Variants in DNAAF5 observed in about 807,000 individuals in gnomAD.
DNAAF5 encodes dynein axonemal assembly factor 5.
A neutral mutation model predicts 75.8 loss-of-function variants in DNAAF5; 64 were observed. That is an observed-to-expected ratio of 0.84 (90% CI 0.69 to 1.04). The LOEUF is 1.04. DNAAF5 is among the 50% of genes least tolerant of loss of function. The probability of loss-of-function intolerance (pLI) is 0.00; values close to 1 mark genes in which losing one functional copy is unlikely to be tolerated. For missense variants in DNAAF5, 1,269 were observed against 1,178.5 expected (o/e 1.08, Z -1.12); for synonymous variants, 657 against 557.2 (o/e 1.18, Z -2.52).
intron 8 of DNAAF5, chr7:768,917 G>C (rs1778453435): frequency 3.7e-6 from 2 of 536,946 alleles, no homozygotes; most frequent in Non-Finnish European, 6.7e-6. Context: ...CGTGGTTCTC[G>C]TGGCAGGGCG....
intron 4 of DNAAF5, among the ~76,000 whole-genome samples, chr7:753,066 G>C (rs1290897835): frequency 2.2e-4 from 33 of 152,266 alleles, no homozygotes; most frequent in Admixed American, 6.5e-5. Context: ...GCGTGCCGCT[G>C]AGAGTGGGAA....
chr7:783,160 C>G (rs1364724309), intron 12 of DNAAF5, among the ~76,000 whole-genome samples: 1 of 152,246 alleles, frequency 6.6e-6, no homozygotes, highest in African/African-American at 2.4e-5. Context: ...CGTGCTCTGC[C>G]AGATCCCGCG....
rs922508498 is a variant in DNAAF5, at chr7:754,461, C to T, written c.1025-128C>T. The T allele has an allele frequency of 3.6e-5, 29 of 809,610 alleles. No individual in the cohort carries two copies. Among genetic ancestry groups the T allele is most frequent in the Non-Finnish European group, 5.7e-5 (27 of 477,014 alleles). The allele number at this position is 809,610 out of a possible 1,614,324, so 50.2% of individuals were successfully genotyped here. ...GGGGCATTTGTCAGCTTTGCGTCCA[C>T]CCCAAGACTTGTTTTGAAATGGTGA... On this transcript the variant is annotated intron_variant, in intron 4 of 12. Transcript: ENST00000297440. This position sits in a 1 kb window ranked among gnomAD's most constrained non-coding sequence, Gnocchi z 4.8.
At position 765,276 on chromosome 7, in the gene DNAAF5, CAAG is replaced by C. The variant is rs148909676; in HGVS notation, c.1783+1303_1783+1305del. On this transcript the variant is annotated intron_variant, in intron 8 of 12. Coordinates refer to ENST00000297440, the MANE Select transcript of DNAAF5 (RefSeq NM_017802.4). ...GGGAACTGTGACCCCGTTTCACAGA[CAAG>C]GAGGCAGAGCACAGAGAACTCCCGA... Among the ~76,000 whole-genome samples the C allele has an allele frequency of 2.1e-3, 325 of 152,336 alleles. 2 individuals are homozygous for C. The highest frequency in any genetic ancestry group is 7.3e-3 in the African/African-American group (304 of 41,586).
chr7:778,953 C>T (rs1352749916), intron 11 of DNAAF5, among the ~76,000 whole-genome samples: 2 of 152,280 alleles, frequency 1.3e-5, no homozygotes, highest in African/African-American at 2.4e-5. Flanking sequence ...GGATGTGCTC[C>T]GTGGCTTCCT....
At chr7:782,358 C>T (rs914340282) in intron 12 of DNAAF5, among the ~76,000 whole-genome samples, 1 of 150,954 alleles carries the variant, frequency 6.6e-6, no homozygotes, top group Non-Finnish European at 1.5e-5. Context: ...GCGGCGTGGC[C>T]GCCTCCCGTC....
chr7:778,453 A>C (rs1258690474), intron 11 of DNAAF5: 1 of 152,236 alleles, frequency 6.6e-6, no homozygotes, highest in Non-Finnish European at 1.5e-5. Context: ...ACAGACAGAC[A>C]CAAACATGAA....
intron 11 of DNAAF5, among the ~76,000 whole-genome samples, chr7:777,324 G>A (rs538810821): frequency 4.6e-5 from 7 of 152,134 alleles, no homozygotes; most frequent in South Asian, 2.1e-4. Context: ...GGGCAGCCTC[G>A]CACCCAGCCC....
At chr7:737,684 G>C (rs1781779091) in intron 2 of DNAAF5, among the ~76,000 whole-genome samples, 1 of 152,134 alleles carries the variant, frequency 6.6e-6, no homozygotes, top group Non-Finnish European at 1.5e-5. Flanking sequence ...TTTTTCACTG[G>C]ATACACTAGG....
At chr7:743,694 G>GAGTGC (rs1192490933) in intron 4 of DNAAF5, among the ~76,000 whole-genome samples, 2 of 148,776 alleles carry the variant, frequency 1.3e-5, no homozygotes, top group African/African-American at 5.0e-5. Context: ...GCCCAGGCTG[G>GAGTGC]AGTGCAATGA....
chr7:769,877 G>GT, intron 8 of DNAAF5, among the ~76,000 whole-genome samples: 1 of 152,288 alleles, frequency 6.6e-6, no homozygotes, highest in African/African-American at 2.4e-5. Context: ...CCGACCTCAG[G>GT]TGACCTCAGG....
intron 10 of DNAAF5, 56 bp downstream of exon 10, chr7:774,254 T>A: frequency 2.0e-6 from 3 of 1,511,760 alleles, no homozygotes; most frequent in Non-Finnish European, 2.6e-6. Flanking sequence ...GCAGGCTTCC[T>A]GGCGCCCGGC....
intron 4 of DNAAF5, 93 bp downstream of exon 4, chr7:741,558 A>G (rs1267777368): frequency 1.3e-6 from 1 of 798,378 alleles, no homozygotes; most frequent in Non-Finnish European, 2.0e-6. Flanking sequence ...CAGCTCTTGC[A>G]GTTCTGAGCC....
At chr7:752,015 A>T (rs2128077201) in intron 4 of DNAAF5, among the ~76,000 whole-genome samples, 1 of 152,348 alleles carries the variant, frequency 6.6e-6, no homozygotes, top group South Asian at 2.1e-4. Flanking sequence ...GCTGAATGGC[A>T]GCAGGTCCTG....
chr7:753,212 A>T (rs538495348), intron 4 of DNAAF5, among the ~76,000 whole-genome samples: 18 of 152,196 alleles, frequency 1.2e-4, no homozygotes, highest in Non-Finnish European at 1.8e-4. Flanking sequence ...GGCCACACAG[A>T]CTTGCCCTGG....
At chr7:782,136 G>A (rs200761576) in intron 12 of DNAAF5, among the ~76,000 whole-genome samples, 14 of 152,200 alleles carry the variant, frequency 9.2e-5, no homozygotes, top group Non-Finnish European at 1.3e-4. Context: ...CTCCCGTCGC[G>A]CAGCGTCAGA....
intron 5 of DNAAF5, among the ~76,000 whole-genome samples, chr7:756,355 C>G (rs1329928251): frequency 7.6e-6 from 1 of 131,598 alleles, no homozygotes; most frequent in Non-Finnish European, 1.6e-5. Context: ...TGCAGAGGGG[C>G]TGGTGTGTGG....
intron 8 of DNAAF5, among the ~76,000 whole-genome samples, chr7:770,142 G>A (rs1268839707): frequency 6.6e-6 from 1 of 151,856 alleles, no homozygotes. Context: ...AGTGGAGATG[G>A]GGTTTCACCA....
chr7:742,857 GCCCAGCTCAA>G (rs1562379652), intron 4 of DNAAF5, among the ~76,000 whole-genome samples: 37 of 126,150 alleles, frequency 2.9e-4, no homozygotes, highest in Non-Finnish European at 4.5e-4. Context: ...AATCAATCAT[GCCCAGCTCAA>G]ATCAGATGCC....
Sources: allele counts gnomAD v4.1 joint callset (sites outside exome capture counted in the v4.1 genomes callset), GRCh38; gene constraint gnomAD v4.1.1; non-coding constraint Gnocchi (gnomAD v3.1); transcripts MANE v1.5; gene names NCBI Gene and HGNC (gene_info 2026-07-23, HGNC 2026-07-21).